The following GABRB2 variants were observed in gnomAD, a reference collection of about 807,000 sequenced individuals.
The protein encoded by GABRB2 is gamma-aminobutyric acid receptor subunit beta-2.
GABRB2 carries 16 observed loss-of-function variants against 54.7 expected under a neutral mutation model. The observed-to-expected ratio is 0.29, with a 90% CI of 0.20 to 0.44. The LOEUF (loss-of-function observed/expected upper bound fraction) is 0.44, where lower values mean the gene tolerates loss of function less well. Ranked by LOEUF, GABRB2 falls within the 20% of genes least tolerant of loss-of-function variation. The pLI, the probability that GABRB2 is intolerant of heterozygous loss-of-function variation, is 1.00. For missense variants in GABRB2, 355 were observed against 644.0 expected (o/e 0.55, Z 4.86); for synonymous variants, 244 against 233.8 (o/e 1.04, Z -0.40).
intron 4 of GABRB2, among the ~76,000 whole-genome samples, chr5:161,415,350 A>G (rs1756633824): frequency 6.6e-6 from 1 of 152,214 alleles, no homozygotes; most frequent in South Asian, 2.1e-4. Flanking sequence ...CACTGGACTA[A>G]GAGATATTTG....
At chr5:161,469,027 A>T (rs77273845) in intron 3 of GABRB2, among the ~76,000 whole-genome samples, 9,395 of 151,948 alleles carry the variant, frequency 0.062, 323 homozygotes, top group Middle Eastern at 0.095. Context: ...ACTACAAAAC[A>T]ATATGCACAA....
At chr5:161,455,639 C>T (rs1384431911) in intron 4 of GABRB2, among the ~76,000 whole-genome samples, 1 of 151,668 alleles carries the variant, frequency 6.6e-6, no homozygotes, top group Non-Finnish European at 1.5e-5. Flanking sequence ...AAGCCATCCT[C>T]CCACCTCAGC....
intron 3 of GABRB2, among the ~76,000 whole-genome samples, chr5:161,521,162 C>T (rs1010503580): frequency 6.6e-6 from 1 of 151,958 alleles, no homozygotes; most frequent in African/African-American, 2.4e-5. Flanking sequence ...TTGGCAAGTC[C>T]TAGCTGCCCC....
At chr5:161,540,908 G>A (rs571871197) in intron 3 of GABRB2, among the ~76,000 whole-genome samples, 182 of 152,238 alleles carry the variant, frequency 1.2e-3, no homozygotes, top group African/African-American at 4.2e-3. Context: ...GTGCAGTGGT[G>A]TGATCTCAGT....
intron 5 of GABRB2, among the ~76,000 whole-genome samples, chr5:161,381,285 C>T (rs1755458835): frequency 6.6e-6 from 1 of 152,152 alleles, no homozygotes; most frequent in Non-Finnish European, 1.5e-5. Context: ...CTGAGTATAA[C>T]TCCTTAGATA....
chr5:161,471,687 C>A (rs1758443480), intron 3 of GABRB2, among the ~76,000 whole-genome samples: 1 of 151,960 alleles, frequency 6.6e-6, no homozygotes, highest in East Asian at 1.9e-4. Flanking sequence ...CTAAAATAAT[C>A]CAGCCCTATA....
rs75921414 is a variant in GABRB2, at chr5:161,546,586, C to A, written c.58G>T (p.Ala20Ser). Residue 20 changes from alanine to serine, a missense_variant, in exon 1 of 10, where the codon GCC becomes TCC. Ala to Ser is a moderately conservative substitution (Grantham distance 99). Coordinates refer to ENST00000393959, the MANE Select transcript of GABRB2 (RefSeq NM_001371727.1). ...ACTTACCTCTGCGCACAGACAGCGG[C>A]GATTATTAAGGGGAAGGACCAAATC... ...FGIWSFPLII[A>S]AVCAQSVNDP... 1 of 1,599,812 alleles carries A rather than the reference C, an allele frequency of 6.3e-7. No homozygotes were observed. The highest frequency in any genetic ancestry group is 1.1e-5 in the South Asian group (1 of 88,546).
At chr5:161,420,106 AC>A (rs1280332647) in intron 4 of GABRB2, among the ~76,000 whole-genome samples, 3 of 152,186 alleles carry the variant, frequency 2.0e-5, no homozygotes. Flanking sequence ...TATGCCAGAT[AC>A]TTTTTATTGC....
chr5:161,293,837 G>T lies in GABRB2; in HGVS notation c.*244C>A, dbSNP rs770352158. On this transcript the variant is annotated 3_prime_UTR_variant, in exon 10 of 10. Coordinates refer to ENST00000393959, the MANE Select transcript of GABRB2 (RefSeq NM_001371727.1). ...TAAACAGACAACATGGAGCACTCAG[G>T]CTGTCTAGCCACCATGTGTAAAAAT... 2.0e-5 allele frequency: 10 copies of T among 492,172 alleles called. No homozygotes were observed. Among genetic ancestry groups the T allele is most frequent in the Non-Finnish European group, 3.3e-5 (9 of 274,002 alleles). 30.5% of individuals were successfully genotyped at this position (492,172 alleles called of 1,614,324 possible).
intron 3 of GABRB2, among the ~76,000 whole-genome samples, chr5:161,494,350 T>G (rs1162422590): frequency 1.3e-5 from 2 of 151,852 alleles, no homozygotes; most frequent in Non-Finnish European, 2.9e-5. Flanking sequence ...TAAGAATGCT[T>G]ACTGGATTAC....
At chr5:161,373,274 C>T (rs1260946858) in intron 5 of GABRB2, among the ~76,000 whole-genome samples, 1 of 152,128 alleles carries the variant, frequency 6.6e-6, no homozygotes, top group Non-Finnish European at 1.5e-5. Flanking sequence ...GTCTTACTGT[C>T]CCCACACATT....
At chr5:161,494,196 C>A (rs989014930) in intron 3 of GABRB2, among the ~76,000 whole-genome samples, 10 of 151,668 alleles carry the variant, frequency 6.6e-5, no homozygotes, top group Admixed American at 3.3e-4. Flanking sequence ...ATAGTAGTGA[C>A]AAGATTGGAT....
At chr5:161,491,338 C>T (rs985392644) in intron 3 of GABRB2, among the ~76,000 whole-genome samples, 3 of 151,628 alleles carry the variant, frequency 2.0e-5, no homozygotes, top group Admixed American at 6.6e-5. Flanking sequence ...CTTAATGGCA[C>T]TTACCATTAG....
chr5:161,337,515 C>G (rs920364389), intron 5 of GABRB2, among the ~76,000 whole-genome samples: 1 of 152,072 alleles, frequency 6.6e-6, no homozygotes, highest in Non-Finnish European at 1.5e-5. Context: ...ATTCATTCCA[C>G]AACTATTTAT....
chr5:161,397,011 A>G (rs1312993177), intron 5 of GABRB2, among the ~76,000 whole-genome samples: 2 of 152,208 alleles, frequency 1.3e-5, no homozygotes, highest in Non-Finnish European at 2.9e-5. Flanking sequence ...GCACAAAATG[A>G]CATTCTGAAT....
chr5:161,500,941 G>C (rs62381576), intron 3 of GABRB2, among the ~76,000 whole-genome samples: 28,447 of 151,830 alleles, frequency 0.19, 3,409 homozygotes, highest in Non-Finnish European at 0.27. Flanking sequence ...CCACTAACTC[G>C]TCATCTAGCA....
At chr5:161,335,322 G>T (rs2113405906) in intron 6 of GABRB2, among the ~76,000 whole-genome samples, 1 of 152,276 alleles carries the variant, frequency 6.6e-6, no homozygotes. Flanking sequence ...GACACAGATT[G>T]CAGTTTAAGT....
intron 3 of GABRB2, among the ~76,000 whole-genome samples, chr5:161,517,522 T>C (rs1240833466): frequency 6.6e-6 from 1 of 152,200 alleles, no homozygotes. Context: ...ACTTTTCTTT[T>C]TTAATGTATG....
At chr5:161,405,976 T>G (rs991146985) in intron 5 of GABRB2, among the ~76,000 whole-genome samples, 1 of 152,078 alleles carries the variant, frequency 6.6e-6, no homozygotes, top group Non-Finnish European at 1.5e-5. Context: ...CAGGCACATT[T>G]CTATCTTCTG....
Sources: gnomAD v4.1 joint callset for allele counts (sites outside exome capture counted in the v4.1 genomes callset) on GRCh38, gnomAD v4.1.1 for gene constraint, MANE v1.5 for transcripts, NCBI Gene and HGNC (gene_info 2026-07-23, HGNC 2026-07-21) for gene names.